The following MGST1 variants were observed in gnomAD, a reference collection of about 807,000 sequenced individuals.
MGST1 encodes the protein microsomal glutathione S-transferase 1.
Under a neutral mutation model 8.9 loss-of-function variants are expected in MGST1, and 5 were observed. The ratio of observed to expected loss-of-function variants is 0.56; its 90% CI spans 0.29 to 1.19. The LOEUF (loss-of-function observed/expected upper bound fraction) is 1.19, where lower values mean the gene tolerates loss of function less well. Ranked by LOEUF, MGST1 falls within the 50% of genes most tolerant of loss-of-function variation. The pLI, the probability that MGST1 is intolerant of heterozygous loss-of-function variation, is 0.08. For missense variants in MGST1, 182 were observed against 187.4 expected, an observed-to-expected ratio of 0.97 and a Z score of 0.17; for synonymous variants, 54 against 67.8, an observed-to-expected ratio of 0.80 and a Z score of 1.00.
At chr12:16,442,778 G>A (rs1488946254), downstream of MGST1, among the ~76,000 whole-genome samples, 1 of 151,604 alleles carries the variant, frequency 6.6e-6, no homozygotes, top group Non-Finnish European at 1.5e-5. The surrounding 1 kb of genome is among the most constrained non-coding windows in gnomAD (Gnocchi z 4.5). Flanking sequence ...GCTATTATGG[G>A]TCTGCCTTAT....
intron 4 of MGST1, among the ~76,000 whole-genome samples, chr12:16,588,329 T>C (rs1378582931): frequency 6.6e-6 from 1 of 151,960 alleles, no homozygotes. Flanking sequence ...AAGAACACTG[T>C]GAAAAATAAT....
chr12:16,350,175 C>T (rs1052141777), intron 1 of MGST1, among the ~76,000 whole-genome samples: 2 of 152,132 alleles, frequency 1.3e-5, no homozygotes, highest in Non-Finnish European at 2.9e-5. Flanking sequence ...GTGGCAGGGT[C>T]GAGATCCACC....
Position 16,413,996 on chromosome 12 carries a change from C to A in MGST1, n.779-23392C>A, listed in dbSNP as rs933368336. Among the ~76,000 whole-genome samples the A allele has an allele frequency of 6.6e-6, 1 of 151,960 alleles. No homozygotes were observed. Among genetic ancestry groups the A allele is most frequent in the Non-Finnish European group, 1.5e-5 (1 of 68,012 alleles). ...AGAATAAATATAAGTTTTGTAGAAA[C>A]TGTAGAATCAACAACTAAGTATTAT... is the stretch of plus-strand genomic sequence containing the variant. On this transcript the variant is annotated intron_variant and non_coding_transcript_variant, in intron 1 of 1. Coordinates refer to the MGST1 transcript ENST00000359720. The surrounding 1 kb of genome is among the most constrained non-coding windows in gnomAD (Gnocchi z 4.0).
chr12:16,435,119 G>A (rs1468662583), intron 1 of MGST1, among the ~76,000 whole-genome samples: 3 of 151,632 alleles, frequency 2.0e-5, no homozygotes, highest in Non-Finnish European at 2.9e-5. Context: ...AATGTACCAG[G>A]CTTTCTTTTA....
At chr12:16,538,586 T>C (rs909470104) in intron 4 of MGST1, among the ~76,000 whole-genome samples, 1 of 150,686 alleles carries the variant, frequency 6.6e-6, no homozygotes, top group East Asian at 1.9e-4. Flanking sequence ...TTCAGAATCA[T>C]GGCAAGAGAT....
rs970783222 is a variant in MGST1 at position 16,361,701 on chromosome 12, A to G, written c.222-2094A>G. Among the ~76,000 whole-genome samples, 2 of 152,208 alleles carry G rather than the reference A, an allele frequency of 1.3e-5. No individual in the cohort carries two copies. Among genetic ancestry groups the G allele is most frequent in the South Asian group, 2.1e-4 (1 of 4,830 alleles). On this transcript the variant is annotated intron_variant, in intron 3 of 3. Coordinates refer to ENST00000396210, the MANE Select transcript of MGST1 (RefSeq NM_020300.5). The surrounding 1 kb of genome is among the most constrained non-coding windows in gnomAD (Gnocchi z 4.2). ...CCTGGAACAGAGTCTCAAAAGAAGT[A>G]CAAAATACAGCATAAATTGGCATAA...
chr12:16,377,565 G>A (rs1940402164), downstream of MGST1, among the ~76,000 whole-genome samples: 1 of 152,012 alleles, frequency 6.6e-6, no homozygotes, highest in African/African-American at 2.4e-5. Context: ...ATTTAGGTTG[G>A]TTCCAAGTCT....
rs147536759 is a variant in MGST1 at position 16,508,738 on chromosome 12, T to C, written n.483-80790T>C. On this transcript the variant is annotated intron_variant and non_coding_transcript_variant, in intron 4 of 4. Transcript: ENST00000538857. ...CTTTTTGTGCCTGATCAAATGAATG[T>C]ATGCTTAATGTAGTGAAAACTTCAG... is the stretch of plus-strand genomic sequence containing the variant. 3.7e-3 allele frequency among the ~76,000 whole-genome samples: 562 copies of C among 152,320 alleles called. 5 individuals are homozygous for C. The highest frequency in any genetic ancestry group is 0.013 in the African/African-American group (538 of 41,584).
chr12:16,458,827 A>G lies in MGST1; in HGVS notation n.482+75223A>G, dbSNP rs1341236387. ...ATTAGATACAAGGTTTCCCTCCATC[A>G]AGGTTAAGTACATCTTGAAGTCTCC... is the stretch of plus-strand genomic sequence containing the variant. On this transcript the variant is annotated intron_variant and non_coding_transcript_variant, in intron 4 of 4. Coordinates refer to the MGST1 transcript ENST00000538857. This position sits in a 1 kb window ranked among gnomAD's most constrained non-coding sequence, Gnocchi z 4.0. Among the ~76,000 whole-genome samples the G allele has an allele frequency of 2.0e-5, 3 of 152,026 alleles. No individual in the cohort carries two copies. Among genetic ancestry groups the G allele is most frequent in the African/African-American group, 4.8e-5 (2 of 41,432 alleles).
At chr12:16,354,717 A>G (rs1939631375) in intron 2 of MGST1, 1 of 166,458 alleles carries the variant, frequency 6.0e-6, no homozygotes, top group Non-Finnish European at 1.3e-5. Flanking sequence ...ATCATTTTCT[A>G]GACAGTTAAC....
chr12:16,480,650 A>G (rs562613724), intron 4 of MGST1, among the ~76,000 whole-genome samples: 1 of 152,360 alleles, frequency 6.6e-6, no homozygotes, highest in East Asian at 1.9e-4. Context: ...TCCCTGACCT[A>G]TCTGCTAGCT....
At chr12:16,386,809 G>C (rs543419037) in intron 1 of MGST1, among the ~76,000 whole-genome samples, 27 of 152,264 alleles carry the variant, frequency 1.8e-4, no homozygotes, top group African/African-American at 6.3e-4. Context: ...GTTTTAAATT[G>C]TGTGCCACTC....
chr12:16,409,701 A>T lies in MGST1; in HGVS notation n.778+26097A>T, dbSNP rs555861597. On this transcript the variant is annotated intron_variant and non_coding_transcript_variant, in intron 1 of 1. Transcript: ENST00000359720. Reference sequence around the variant, plus strand: ...TTGCTTCCATGGCAGCTCTGGTGTTAAGTCAGCCTTTAACTATTTTGCCAG... The same window carrying T: ...TTGCTTCCATGGCAGCTCTGGTGTTTAGTCAGCCTTTAACTATTTTGCCAG... Among the ~76,000 whole-genome samples, 7 of 152,246 alleles carry T rather than the reference A, an allele frequency of 4.6e-5. No individual in the cohort carries two copies. In the South Asian group the frequency reaches 1.5e-3, roughly 32 times the overall value.
At chr12:16,387,685 C>CA (rs1940516437) in intron 1 of MGST1, among the ~76,000 whole-genome samples, 1 of 152,036 alleles carries the variant, frequency 6.6e-6, no homozygotes, top group East Asian at 1.9e-4. Flanking sequence ...CACCACCACG[C>CA]CTGGCTAATT....
chr12:16,355,071 A>G (rs1003657158), intron 2 of MGST1, among the ~76,000 whole-genome samples: 12 of 152,210 alleles, frequency 7.9e-5, no homozygotes, highest in Non-Finnish European at 1.6e-4. Flanking sequence ...TCACGGGGGT[A>G]GTCCCTGTGC....
In MGST1 at chr12:16,401,611, T is replaced by G. The variant is rs1940656181; in HGVS notation, n.778+18007T>G. 2 of 1,539,586 alleles carry G rather than the reference T, an allele frequency of 1.3e-6. No individual in the cohort carries two copies. Among genetic ancestry groups the G allele is most frequent in the South Asian group, 2.2e-5 (2 of 89,478 alleles). Reference sequence around the variant, plus strand: ...AAGCGAATACCCATGGCACAAGTGATAGCCCCAAAATACATGTGATTCTTG... The same window carrying G: ...AAGCGAATACCCATGGCACAAGTGAGAGCCCCAAAATACATGTGATTCTTG... On this transcript the variant is annotated intron_variant and non_coding_transcript_variant, in intron 1 of 1. Coordinates refer to the MGST1 transcript ENST00000359720. The surrounding 1 kb of genome is among the most constrained non-coding windows in gnomAD (Gnocchi z 4.3).
chr12:16,378,314 A>C (rs1459263288), downstream of MGST1, among the ~76,000 whole-genome samples: 1 of 151,734 alleles, frequency 6.6e-6, no homozygotes, highest in South Asian at 2.1e-4. Context: ...ATCTTGAATT[A>C]ATTTTTGTAT....
intron 4 of MGST1, among the ~76,000 whole-genome samples, chr12:16,542,504 C>T (rs940281679): frequency 2.0e-5 from 3 of 152,170 alleles, no homozygotes; most frequent in East Asian, 1.9e-4. Context: ...CTGTTTGCTA[C>T]ATTAGCTATA....
At chr12:16,367,308 A>G (rs1175006289), downstream of MGST1, 1 of 152,172 alleles carries the variant, frequency 6.6e-6, no homozygotes, top group Non-Finnish European at 1.5e-5. Flanking sequence ...TGAAGACTGA[A>G]AAAATGATTC....
Sources: allele counts gnomAD v4.1 joint callset (sites outside exome capture counted in the v4.1 genomes callset), GRCh38; gene constraint gnomAD v4.1.1; non-coding constraint Gnocchi (gnomAD v3.1); transcripts MANE v1.5; gene names NCBI Gene and HGNC (gene_info 2026-07-23, HGNC 2026-07-21).